PCDH15: variants seen among roughly 807,000 people sequenced by gnomAD.
PCDH15 encodes the protein protocadherin-15.
PCDH15 carries 129 observed loss-of-function variants against 178.5 expected under a neutral mutation model. That is an observed-to-expected ratio of 0.72 (90% CI 0.63 to 0.84). The LOEUF (loss-of-function observed/expected upper bound fraction) is 0.84, where lower values mean the gene tolerates loss of function less well. Ranked by LOEUF, PCDH15 falls within the 40% of genes least tolerant of loss-of-function variation. The pLI, the probability that PCDH15 is intolerant of heterozygous loss-of-function variation, is 0.00. For synonymous variants in PCDH15, 800 were observed against 732.0 expected, an observed-to-expected ratio of 1.09 and a Z score of -1.50; for missense variants, 2,230 against 2,099.9, an observed-to-expected ratio of 1.06 and a Z score of -1.21.
chr10:55,001,951 T>C (rs984340197), intron 2 of PCDH15, among the ~76,000 whole-genome samples: 18 of 152,236 alleles, frequency 1.2e-4, no homozygotes, highest in African/African-American at 4.1e-4. Flanking sequence ...ATAAAAAATG[T>C]GAGACTTTCT....
intron 2 of PCDH15, among the ~76,000 whole-genome samples, chr10:55,587,266 T>G (rs1842742610): frequency 6.6e-6 from 1 of 152,064 alleles, no homozygotes; most frequent in Admixed American, 6.6e-5. Flanking sequence ...AAGATGGAGT[T>G]TGTATGATTT....
At chr10:54,477,633 A>G (rs1336037522) in intron 3 of PCDH15, among the ~76,000 whole-genome samples, 2 of 152,304 alleles carry the variant, frequency 1.3e-5, no homozygotes, top group Admixed American at 6.5e-5. Flanking sequence ...GTCTCACTCT[A>G]TCACCCAGGC....
In PCDH15 at chr10:55,583,244, T is replaced by C. The variant is rs60032507; in HGVS notation, c.-156+44381A>G. 4.9e-3 allele frequency among the ~76,000 whole-genome samples: 739 copies of C among 152,270 alleles called. 1 individual carries two copies. The highest frequency in any genetic ancestry group is 0.016 in the African/African-American group (647 of 41,546). Reference sequence around the variant, plus strand: ...GGCATTAAAACTAATCACATGATTATAGTAAAATAAAAATATTGAGGCCAC... The same window carrying C: ...GGCATTAAAACTAATCACATGATTACAGTAAAATAAAAATATTGAGGCCAC... On this transcript the variant is annotated intron_variant, in intron 2 of 5. Transcript: ENST00000613346.
At chr10:54,713,368 G>A (rs756357095) in intron 1 of PCDH15, among the ~76,000 whole-genome samples, 29 of 151,946 alleles carry the variant, frequency 1.9e-4, no homozygotes, top group Admixed American at 2.6e-4. Context: ...GTGAACAGAC[G>A]CACGAGAGGA....
chr10:55,400,923 G>A (rs1411157492), intron 2 of PCDH15, among the ~76,000 whole-genome samples: 2 of 152,182 alleles, frequency 1.3e-5, no homozygotes, highest in African/African-American at 2.4e-5. Flanking sequence ...ATATGTGTAC[G>A]TAGTGGGTGG....
At chr10:54,919,178 T>G (rs1029415805) in intron 2 of PCDH15, among the ~76,000 whole-genome samples, 2 of 152,176 alleles carry the variant, frequency 1.3e-5, no homozygotes, top group African/African-American at 4.8e-5. Flanking sequence ...TGAATACTCT[T>G]TTTTTGGATT....
At chr10:55,198,025 CTCA>C (rs1840142573) in intron 1 of PCDH15, among the ~76,000 whole-genome samples, 2 of 151,938 alleles carry the variant, frequency 1.3e-5, no homozygotes, top group African/African-American at 2.4e-5. Flanking sequence ...TGTGTTCTGC[CTCA>C]GGAGGTAGAA....
intron 3 of PCDH15, among the ~76,000 whole-genome samples, chr10:54,808,298 A>G (rs1240773806): frequency 6.6e-6 from 1 of 152,144 alleles, no homozygotes; most frequent in African/African-American, 2.4e-5. Flanking sequence ...GCCTTAGACA[A>G]GGTTGTTGAG....
intron 3 of PCDH15, among the ~76,000 whole-genome samples, chr10:54,826,654 A>C (rs1479375733): frequency 6.6e-6 from 1 of 151,952 alleles, no homozygotes; most frequent in African/African-American, 2.4e-5. Flanking sequence ...TCAGGTAAAC[A>C]GTGGGTCATA....
At chr10:53,993,612 T>A (rs77433411) in intron 21 of PCDH15, among the ~76,000 whole-genome samples, 1 of 152,182 alleles carries the variant, frequency 6.6e-6, no homozygotes, top group African/African-American at 2.4e-5. Flanking sequence ...AATTATTCTG[T>A]CTTTATGGTA....
intron 3 of PCDH15, among the ~76,000 whole-genome samples, chr10:54,513,536 CACAAA>C (rs1250679642): frequency 2.6e-5 from 4 of 152,116 alleles, no homozygotes; most frequent in East Asian, 3.9e-4. Flanking sequence ...TCTTATTGAA[CACAAA>C]ACAAAATTTT....
At chr10:55,423,709 C>A (rs1483859193) in intron 2 of PCDH15, among the ~76,000 whole-genome samples, 5 of 151,978 alleles carry the variant, frequency 3.3e-5, no homozygotes, top group Admixed American at 6.6e-5. Context: ...TGTGAAAAAT[C>A]TAAATACGCA....
At chr10:54,104,438 G>T (rs544722307) in intron 15 of PCDH15, among the ~76,000 whole-genome samples, 1 of 152,222 alleles carries the variant, frequency 6.6e-6, no homozygotes, top group East Asian at 1.9e-4. Context: ...GTTTGTGTCT[G>T]ATTTTCCACA....
intron 3 of PCDH15, among the ~76,000 whole-genome samples, chr10:54,462,373 T>G (rs1589536685): frequency 6.6e-6 from 1 of 152,100 alleles, no homozygotes; most frequent in East Asian, 1.9e-4. Context: ...TTGCTGCGTT[T>G]ATTTTGCATT....
At chr10:55,332,088 T>A (rs182296245) in intron 2 of PCDH15, among the ~76,000 whole-genome samples, 3 of 152,176 alleles carry the variant, frequency 2.0e-5, no homozygotes, top group Non-Finnish European at 4.4e-5. Flanking sequence ...TATTTTTCTA[T>A]GTAAATGTCA....
Position 53,839,047 on chromosome 10 carries a change from AC to A in PCDH15, c.3983+1272del, listed in dbSNP as rs922932210. 7.0e-3 allele frequency among the ~76,000 whole-genome samples: 1,068 copies of A among 152,106 alleles called. 10 individuals carry two copies. Among genetic ancestry groups the A allele is most frequent in the African/African-American group, 0.024 (1,006 of 41,508 alleles). On this transcript the variant is annotated intron_variant, in intron 29 of 37. Transcript: ENST00000644397. ...GTAAAACCCCGTCTCTACTAAAAAT[AC>A]AAAAAATTAGCTGGGCGTGGTGGCG...
intron 2 of PCDH15, among the ~76,000 whole-genome samples, chr10:54,990,776 G>T (rs1048470025): frequency 6.6e-6 from 1 of 151,986 alleles, no homozygotes; most frequent in African/African-American, 2.4e-5. Flanking sequence ...TTTTAAACTG[G>T]ATTGGTCTCT....
In PCDH15 at chr10:55,409,600, A is replaced by G. The variant is rs1838284504; in HGVS notation, c.-156+218025T>C. Among the ~76,000 whole-genome samples the G allele has an allele frequency of 2.0e-5, 3 of 152,290 alleles. No homozygotes were observed. In the South Asian group the frequency reaches 6.2e-4, roughly 32 times the overall value. On this transcript the variant is annotated intron_variant, in intron 2 of 5. Coordinates refer to the PCDH15 transcript ENST00000613346. ...CATATGGTAGATCACCATACCGTTCAGTGGTTAGAAACAACAAAATAGATA... is the reference window on the plus strand; with the variant it reads ...CATATGGTAGATCACCATACCGTTCGGTGGTTAGAAACAACAAAATAGATA...
In PCDH15 at chr10:54,329,715, A is replaced by G. The variant is rs767505392; in HGVS notation, c.595-9T>C. 1.4e-6 allele frequency: 2 copies of G among 1,472,916 alleles called. No homozygotes were observed. The highest frequency in any genetic ancestry group is 2.3e-5 in the South Asian group (2 of 88,250). 91.2% of individuals were successfully genotyped at this position (1,472,916 alleles called of 1,614,324 possible). A position where few individuals can be genotyped will look rare whatever the true frequency, so the allele number is the denominator to read the frequency against. ...AAGGTGTCATTGGATGTCTGCAAAT[A>G]TTAAAGATACAGACTTCAGATTATT... On this transcript the variant is annotated splice_polypyrimidine_tract_variant and intron_variant, in intron 6 of 37. Transcript: ENST00000644397.
Sources: gnomAD v4.1 joint callset for allele counts (sites outside exome capture counted in the v4.1 genomes callset) on GRCh38, gnomAD v4.1.1 for gene constraint, MANE v1.5 for transcripts, NCBI Gene and HGNC (gene_info 2026-07-23, HGNC 2026-07-21) for gene names.